DDX60L: variants seen among roughly 807,000 people sequenced by gnomAD.
The protein encoded by DDX60L is DExD/H-box 60 like, also known as probable ATP-dependent RNA helicase DDX60-like.
Under a neutral mutation model 211.6 loss-of-function variants are expected in DDX60L, and 191 were observed. The observed-to-expected ratio is 0.90, with a 90% CI of 0.80 to 1.02. The LOEUF is 1.02. Among genes scored for constraint, DDX60L ranks in the 50% least tolerant of loss-of-function variants. DDX60L has a pLI of 0.00. For synonymous variants in DDX60L, 706 were observed against 694.1 expected (o/e 1.02, Z -0.27); for missense variants, 2,007 against 1,984.1 (o/e 1.01, Z -0.22).
At chr4:168,468,117 A>C (rs1031037005) in intron 4 of DDX60L, among the ~76,000 whole-genome samples, 4 of 152,162 alleles carry the variant, frequency 2.6e-5, no homozygotes, top group Non-Finnish European at 5.9e-5. Context: ...CAGTGAGCCG[A>C]GACCATGCCT....
rs1044628482 is a variant in DDX60L, at chr4:168,419,327, C to T, written c.2585G>A (p.Arg862Lys). The T allele has an allele frequency of 2.5e-6, 4 of 1,598,632 alleles. No individual in the cohort carries two copies. Among genetic ancestry groups the T allele is most frequent in the Non-Finnish European group, 3.4e-6 (4 of 1,171,466 alleles). ...CTCATCAAATATAACATATCTGATC[C>T]TTTCCACCCATTTTTGGCGATGAGG... ...LAPHRQKWVE[R>K]IRYVIFDEVH... is the part of the protein sequence containing the mutation. The change falls in exon 19 of 38, where the codon AGG becomes AAG. Residue 862 changes from arginine to lysine, a missense_variant. Transcript: ENST00000682922.
intron 19 of DDX60L, among the ~76,000 whole-genome samples, chr4:168,417,979 T>A (rs1022674609): frequency 4.6e-5 from 7 of 152,200 alleles, no homozygotes; most frequent in Admixed American, 1.3e-4. Context: ...GCAGGCAATT[T>A]CTCTGAACTT....
chr4:168,425,380 C>T (rs548874142), intron 14 of DDX60L, among the ~76,000 whole-genome samples: 2 of 152,252 alleles, frequency 1.3e-5, no homozygotes, highest in East Asian at 1.9e-4. Flanking sequence ...CGTGGCCACA[C>T]GTGAAAAGGA....
chr4:168,364,815 C>G (rs1249131865), intron 36 of DDX60L, among the ~76,000 whole-genome samples: 1 of 152,028 alleles, frequency 6.6e-6, no homozygotes, highest in Admixed American at 6.6e-5. Context: ...ATATAGAGAT[C>G]ATATCAAGTA....
Position 168,423,708 on chromosome 4 carries a change from C to G in DDX60L, c.1997G>C (p.Arg666Thr). ...MMKRIHSLLE[R>T]YPEILEAEHH... ...TTCTGCTTCCAAAATTTCTGGGTAT[C>G]TCTCCAGGAGTGAATGAATCCTTTT... Residue 666 changes from arginine to threonine, a missense_variant, in exon 15 of 38, where the codon AGA becomes ACA. Coordinates refer to ENST00000682922, the MANE Select transcript of DDX60L (RefSeq NM_001012967.3). The G allele has an allele frequency of 1.9e-6, 3 of 1,608,968 alleles. No individual in the cohort carries two copies. The highest frequency in any genetic ancestry group is 2.5e-6 in the Non-Finnish European group (3 of 1,177,870).
At chr4:168,439,499 A>G (rs1753524919) in intron 10 of DDX60L, among the ~76,000 whole-genome samples, 1 of 152,126 alleles carries the variant, frequency 6.6e-6, no homozygotes, top group Admixed American at 6.6e-5. Context: ...CAGTCCCTAT[A>G]ATCAGGTAAG....
chr4:168,461,786 C>T lies in DDX60L; in HGVS notation c.519G>A (p.Val173=). The part of the protein sequence containing the change: ...IHSWGMKVNV[V]LSSGHESDTL... ...TATCAGATTCATGCCCTGATGAAAG[C>T]ACAACATTGACTTTCATTCCCCAGG... is the stretch of plus-strand genomic sequence containing the variant. The change falls in exon 5 of 38, where the codon GTG becomes GTA. Residue 173 remains valine, a synonymous_variant. Transcript: ENST00000682922. The T allele has an allele frequency of 6.2e-7, 1 of 1,604,644 alleles. No individual in the cohort carries two copies.
intron 33 of DDX60L, among the ~76,000 whole-genome samples, chr4:168,376,737 T>C (rs1294003808): frequency 6.6e-6 from 1 of 152,192 alleles, no homozygotes; most frequent in Non-Finnish European, 1.5e-5. Context: ...CTGCTTACCA[T>C]GTACACCTTG....
chr4:168,395,865 T>A, intron 27 of DDX60L, 94 bp downstream of exon 27: 1 of 866,742 alleles, frequency 1.2e-6, no homozygotes, highest in South Asian at 1.5e-5. Flanking sequence ...TCAAAGGTAT[T>A]ACACAAGTCA....
In DDX60L at chr4:168,378,333, TG is replaced by T; in HGVS notation, c.4485+20del. 1 of 1,280,832 alleles carries T rather than the reference TG, an allele frequency of 7.8e-7. No homozygotes were observed. Among genetic ancestry groups the T allele is most frequent in the South Asian group, 1.3e-5 (1 of 74,800 alleles). The allele number at this position is 1,280,832 out of a possible 1,614,324, so 79.3% of individuals were successfully genotyped here. ...TTAATAACTATCATTATTATATCAT[TG>T]TAAGTATAACAAACTTTACCTTTGA... On this transcript the variant is annotated intron_variant, in intron 33 of 37. Transcript: ENST00000682922.
rs1031967890 is a variant in DDX60L at position 168,456,060 on chromosome 4, C to T, written c.816G>A (p.Leu272=). ...TTACTAAGACACGATGGTACATTCT[C>T]AAGGATAGTGAACATGAAGTGACAC... The part of the protein sequence containing the change: ...VLCVTSCSLS[L]RMYHRVLVHS... Residue 272 remains leucine, a synonymous_variant, in exon 7 of 38, where the codon TTG becomes TTA. Coordinates refer to ENST00000682922, the MANE Select transcript of DDX60L (RefSeq NM_001012967.3). The T allele has an allele frequency of 6.3e-6, 10 of 1,591,050 alleles. No individual in the cohort carries two copies. In the Admixed American group the frequency reaches 1.8e-4, roughly 29 times the overall value.
intron 7 of DDX60L, among the ~76,000 whole-genome samples, chr4:168,454,804 A>ATTTTTTTTTTT (rs1756303535): frequency 1.1e-5 from 1 of 95,200 alleles, no homozygotes; most frequent in Non-Finnish European, 2.0e-5. Flanking sequence ...TGTTGTTGTC[A>ATTTTTTTTTTT]TTTGTTGGGA....
intron 4 of DDX60L, among the ~76,000 whole-genome samples, chr4:168,464,363 T>C (rs1397245771): frequency 6.6e-6 from 1 of 151,392 alleles, no homozygotes; most frequent in Non-Finnish European, 1.5e-5. Context: ...CAATAACACA[T>C]CTAGAAAAAA....
intron 26 of DDX60L, among the ~76,000 whole-genome samples, chr4:168,397,875 G>A (rs1746092529): frequency 1.3e-5 from 2 of 152,192 alleles, no homozygotes; most frequent in African/African-American, 4.8e-5. Context: ...GCCTTCCCCA[G>A]GCACAGCTGT....
At chr4:168,441,573 C>T in intron 9 of DDX60L, 81 bp from the exon 10 acceptor site, 2 of 1,158,710 alleles carry the variant, frequency 1.7e-6, no homozygotes, top group South Asian at 3.1e-5. Flanking sequence ...TGAATAAATT[C>T]ATAGAGCTCT....
At chr4:168,437,444 G>A (rs575142673) in intron 10 of DDX60L, among the ~76,000 whole-genome samples, 3 of 152,152 alleles carry the variant, frequency 2.0e-5, no homozygotes, top group South Asian at 2.1e-4. Flanking sequence ...AGAGAGGCAT[G>A]GGATTGTAAA....
chr4:168,411,196 C>T (rs538533763), intron 22 of DDX60L, among the ~76,000 whole-genome samples: 5 of 152,180 alleles, frequency 3.3e-5, no homozygotes, highest in Non-Finnish European at 7.3e-5. Flanking sequence ...TGAGAATCAG[C>T]CCCTACAGGA....
intron 37 of DDX60L, among the ~76,000 whole-genome samples, chr4:168,360,853 C>T (rs537764754): frequency 1.1e-4 from 16 of 152,280 alleles, no homozygotes; most frequent in African/African-American, 3.4e-4. Context: ...GAGAATATAG[C>T]GAGGCCTGGA....
In DDX60L at chr4:168,420,385, T is replaced by C. The variant is rs1363822425; in HGVS notation, c.2395-5A>G. 22 of 1,600,788 alleles carry C rather than the reference T, an allele frequency of 1.4e-5. No individual in the cohort carries two copies. Among genetic ancestry groups the C allele is most frequent in the Non-Finnish European group, 1.9e-5 (22 of 1,176,592 alleles). On this transcript the variant is annotated splice_region_variant and splice_polypyrimidine_tract_variant and intron_variant, in intron 17 of 37. Coordinates refer to ENST00000682922, the MANE Select transcript of DDX60L (RefSeq NM_001012967.3). ...AGCCACTTGACCAACAAGGGACTGA[T>C]TGACAAGAAAAAAAACCATTAGTCA...
Sources: allele counts gnomAD v4.1 joint callset (sites outside exome capture counted in the v4.1 genomes callset), GRCh38; gene constraint gnomAD v4.1.1; transcripts MANE v1.5; gene names NCBI Gene and HGNC (gene_info 2026-07-23, HGNC 2026-07-21).